Variants in NEGR1 observed in about 807,000 individuals in gnomAD.
NEGR1 encodes IgLON family member 4.
A neutral mutation model predicts 40.9 loss-of-function variants in NEGR1; 10 were observed. That is an observed-to-expected ratio of 0.24 (90% CI 0.15 to 0.42). The LOEUF (loss-of-function observed/expected upper bound fraction) is 0.42, where lower values mean the gene tolerates loss of function less well. Among genes scored for constraint, NEGR1 ranks in the 10% least tolerant of loss-of-function variants. The pLI is 1.00. For missense variants in NEGR1, 352 were observed against 438.9 expected (o/e 0.80, Z 1.77); for synonymous variants, 185 against 166.8 (o/e 1.11, Z -0.84).
At chr1:71,606,123 C>T (rs980797195) in intron 5 of NEGR1, among the ~76,000 whole-genome samples, 1 of 152,122 alleles carries the variant, frequency 6.6e-6, no homozygotes. Context: ...TAAGGTTTCC[C>T]CATATAGCTA....
intron 2 of NEGR1, among the ~76,000 whole-genome samples, chr1:71,933,349 G>C (rs1336781919): frequency 6.6e-6 from 1 of 151,962 alleles, no homozygotes; most frequent in African/African-American, 2.4e-5. Flanking sequence ...TATGGAACAA[G>C]AGAGAATGGA....
chr1:71,974,917 T>C (rs1646288690), intron 1 of NEGR1, among the ~76,000 whole-genome samples: 1 of 152,158 alleles, frequency 6.6e-6, no homozygotes, highest in African/African-American at 2.4e-5. Flanking sequence ...TGAAAATAAA[T>C]ATATATTCCT....
At chr1:71,499,443 C>G (rs1222050568) in intron 6 of NEGR1, among the ~76,000 whole-genome samples, 1 of 147,168 alleles carries the variant, frequency 6.8e-6, no homozygotes, top group Non-Finnish European at 1.5e-5. Flanking sequence ...TTATATATAA[C>G]ATATATAATT....
chr1:71,852,563 C>G (rs1476124718), intron 2 of NEGR1, among the ~76,000 whole-genome samples: 1 of 152,012 alleles, frequency 6.6e-6, no homozygotes. Flanking sequence ...CCGACCTGGC[C>G]TTTTTAGGAA....
intron 1 of NEGR1, among the ~76,000 whole-genome samples, chr1:72,020,964 A>G (rs904332830): frequency 1.3e-5 from 2 of 152,216 alleles, no homozygotes; most frequent in Non-Finnish European, 2.9e-5. Flanking sequence ...AGATTAACTC[A>G]ATGGTCATAA....
intron 1 of NEGR1, among the ~76,000 whole-genome samples, chr1:72,055,270 G>A (rs1647099975): frequency 1.3e-5 from 2 of 151,108 alleles, no homozygotes; most frequent in Admixed American, 1.3e-4. Flanking sequence ...CATCATCTTT[G>A]TCCTTAATGC....
chr1:72,076,795 A>G (rs1324277024), intron 1 of NEGR1, among the ~76,000 whole-genome samples: 1 of 152,002 alleles, frequency 6.6e-6, no homozygotes. Context: ...CTAATACATT[A>G]TATAACAAAG....
chr1:71,911,758 G>C (rs1209790297), intron 2 of NEGR1, among the ~76,000 whole-genome samples: 1 of 152,162 alleles, frequency 6.6e-6, no homozygotes, highest in Non-Finnish European at 1.5e-5. Context: ...GTTGTGTCAA[G>C]AAAGTTTGAT....
At chr1:71,523,833 T>C (rs1434957130) in intron 6 of NEGR1, among the ~76,000 whole-genome samples, 1 of 151,890 alleles carries the variant, frequency 6.6e-6, no homozygotes, top group African/African-American at 2.4e-5. Flanking sequence ...TAATAACAAC[T>C]GGATGAAATT....
chr1:72,120,573 A>G (rs908824781), intron 1 of NEGR1, among the ~76,000 whole-genome samples: 45 of 151,716 alleles, frequency 3.0e-4, no homozygotes, highest in African/African-American at 9.9e-4. Context: ...GGTTAGTTAC[A>G]TATGTATACA....
intron 6 of NEGR1, among the ~76,000 whole-genome samples, chr1:71,426,898 A>G (rs759188054): frequency 2.6e-5 from 4 of 152,138 alleles, no homozygotes; most frequent in Non-Finnish European, 4.4e-5. Context: ...TGTGATTGCA[A>G]TAAGAACAGC....
intron 1 of NEGR1, among the ~76,000 whole-genome samples, chr1:72,263,794 TAAAC>T (rs972198514): frequency 5.9e-5 from 9 of 151,378 alleles, no homozygotes; most frequent in East Asian, 1.9e-4. Context: ...AGTGAAGTGA[TAAAC>T]AAACAAAAAA....
At chr1:71,913,501 A>C (rs1314832066) in intron 2 of NEGR1, among the ~76,000 whole-genome samples, 2 of 152,236 alleles carry the variant, frequency 1.3e-5, no homozygotes, top group Admixed American at 6.5e-5. Context: ...TCACTTCTAA[A>C]CCCATATTTT....
In NEGR1 at chr1:72,013,826, T is replaced by C. The variant is rs976221529; in HGVS notation, c.177-78515A>G. Reference sequence around the variant, plus strand: ...CTGACATTTGACATTTAGTACTTAATTAAAAAAAAAAAAGTTGAAAACCTA... The same window carrying C: ...CTGACATTTGACATTTAGTACTTAACTAAAAAAAAAAAAGTTGAAAACCTA... On this transcript the variant is annotated intron_variant, in intron 1 of 6. Coordinates refer to ENST00000357731, the MANE Select transcript of NEGR1 (RefSeq NM_173808.3). Among the ~76,000 whole-genome samples, 18 of 140,884 alleles carry C rather than the reference T, an allele frequency of 1.3e-4. 1 individual carries two copies. Among genetic ancestry groups the C allele is most frequent in the Non-Finnish European group, 6.3e-5 (4 of 63,730 alleles). 92.4% of individuals were successfully genotyped at this position (140,884 alleles called of 152,430 possible).
At chr1:72,101,833 G>A (rs1648958762) in intron 1 of NEGR1, among the ~76,000 whole-genome samples, 1 of 152,128 alleles carries the variant, frequency 6.6e-6, no homozygotes, top group African/African-American at 2.4e-5. Flanking sequence ...ATGAATGCTA[G>A]AAGTCAAATT....
rs548058833 is a variant in NEGR1, at chr1:71,675,057, G to A, written c.667+22951C>T. ...GCATAAATATATATGTGATACATAC[G>A]TATGTGATCTATATATGTGATCTAT... On this transcript the variant is annotated intron_variant, in intron 4 of 6. Coordinates refer to ENST00000357731, the MANE Select transcript of NEGR1 (RefSeq NM_173808.3). Among the ~76,000 whole-genome samples the A allele has an allele frequency of 8.4e-5, 11 of 130,444 alleles. No individual in the cohort carries two copies. The East Asian group carries it at 9.5e-4, about 11-fold the overall frequency. The allele number at this position is 130,444 out of a possible 152,430, so 85.6% of individuals were successfully genotyped here.
At chr1:71,567,539 G>A (rs1028381848) in intron 6 of NEGR1, among the ~76,000 whole-genome samples, 10 of 151,996 alleles carry the variant, frequency 6.6e-5, no homozygotes, top group African/African-American at 2.4e-4. Flanking sequence ...ATGATACTTA[G>A]AATAAAATTC....
chr1:71,413,853 A>C (rs2101266500), intron 6 of NEGR1, among the ~76,000 whole-genome samples: 1 of 152,256 alleles, frequency 6.6e-6, no homozygotes, highest in East Asian at 1.9e-4. Flanking sequence ...CATCTGCTGC[A>C]TATTATTTTC....
At chr1:71,452,957 A>C (rs1184931647) in intron 6 of NEGR1, among the ~76,000 whole-genome samples, 1 of 152,210 alleles carries the variant, frequency 6.6e-6, no homozygotes, top group African/African-American at 2.4e-5. Context: ...AGAAGATGAA[A>C]TAATACATAG....
Sources: allele counts gnomAD v4.1 joint callset (sites outside exome capture counted in the v4.1 genomes callset), GRCh38; gene constraint gnomAD v4.1.1; transcripts MANE v1.5; gene names NCBI Gene and HGNC (gene_info 2026-07-23, HGNC 2026-07-21).